ORC3: variants seen among roughly 807,000 people sequenced by gnomAD.
ORC3 encodes the protein origin recognition complex subunit 3.
ORC3 carries 78 observed loss-of-function variants against 100.7 expected under a neutral mutation model. That is an observed-to-expected ratio of 0.77 (90% CI 0.65 to 0.94). The LOEUF is 0.94. ORC3 is among the 40% of genes least tolerant of loss of function. The pLI is 0.00. For missense variants in ORC3, 789 were observed against 823.9 expected, an observed-to-expected ratio of 0.96 and a Z score of 0.52; for synonymous variants, 295 against 289.3, an observed-to-expected ratio of 1.02 and a Z score of -0.20.
At chr6:87,608,377 A>G (rs1031065882) in intron 6 of ORC3, among the ~76,000 whole-genome samples, 5 of 152,200 alleles carry the variant, frequency 3.3e-5, no homozygotes, top group Admixed American at 2.6e-4. Flanking sequence ...GAAAAATAAT[A>G]ACCTAGGTTA....
downstream of ORC3, among the ~76,000 whole-genome samples, chr6:87,671,034 T>C (rs906972589): frequency 4.6e-5 from 7 of 151,768 alleles, no homozygotes; most frequent in Admixed American, 6.6e-5. Context: ...CAAGGTAGAG[T>C]GAGCAGGAGG....
chr6:87,664,267 T>G (rs1188766802), intron 17 of ORC3, among the ~76,000 whole-genome samples: 2 of 152,144 alleles, frequency 1.3e-5, no homozygotes, highest in Non-Finnish European at 2.9e-5. Context: ...ACTGATGGTT[T>G]CTATAGGGCT....
the ORC3 span, among the ~76,000 whole-genome samples, chr6:87,672,890 T>TAGTAC: frequency 5.9e-5 from 9 of 152,308 alleles, no homozygotes; most frequent in Non-Finnish European, 1.2e-4. Flanking sequence ...AAACACATCA[T>TAGTAC]AGTACAGTAC....
intron 10 of ORC3, 25 bp downstream of exon 10, chr6:87,621,512 C>T: frequency 6.6e-7 from 1 of 1,521,154 alleles, no homozygotes; most frequent in Non-Finnish European, 8.8e-7. Flanking sequence ...ACATGTTTAA[C>T]ACATACTATA....
intron 19 of ORC3, among the ~76,000 whole-genome samples, chr6:87,666,034 A>T (rs1770568408): frequency 6.6e-6 from 1 of 152,218 alleles, no homozygotes; most frequent in Non-Finnish European, 1.5e-5. Flanking sequence ...CCAAACCTAA[A>T]ACTTTTGGTA....
At chr6:87,596,447 TG>T (rs1297581634) in intron 2 of ORC3, among the ~76,000 whole-genome samples, 30 of 111,396 alleles carry the variant, frequency 2.7e-4, no homozygotes, top group African/African-American at 1.1e-3. Flanking sequence ...GTTTTTTTGT[TG>T]TTTTTTTTTT....
chr6:87,651,439 T>G (rs1769258727), intron 13 of ORC3: 1 of 351,316 alleles, frequency 2.8e-6, no homozygotes, highest in Non-Finnish European at 5.7e-6. Context: ...TGAGTTAACT[T>G]TCTTCTCATA....
At chr6:87,638,081 A>G (rs547285827) in intron 13 of ORC3, among the ~76,000 whole-genome samples, 1 of 152,304 alleles carries the variant, frequency 6.6e-6, no homozygotes, top group East Asian at 1.9e-4. Context: ...CAAGATCTAA[A>G]ATATGGATTT....
chr6:87,616,945 G>A (rs950582414), intron 9 of ORC3, among the ~76,000 whole-genome samples: 21 of 152,014 alleles, frequency 1.4e-4, no homozygotes, highest in African/African-American at 2.4e-4. Context: ...TTACAGGTGC[G>A]TGCCACCACG....
At chr6:87,658,886 G>A (rs1583166556) in intron 16 of ORC3, among the ~76,000 whole-genome samples, 1 of 151,990 alleles carries the variant, frequency 6.6e-6, no homozygotes, top group East Asian at 1.9e-4. Flanking sequence ...AGATCATTCT[G>A]ATTCATGGAT....
intron 4 of ORC3, among the ~76,000 whole-genome samples, chr6:87,603,999 A>G (rs1778159874): frequency 6.6e-6 from 1 of 152,190 alleles, no homozygotes; most frequent in Non-Finnish European, 1.5e-5. Context: ...AATTACCTAC[A>G]AGGAGGTGTT....
rs746571124 is a variant in ORC3, at chr6:87,590,203, G to A, written c.24+11G>A. 1.2e-6 allele frequency: 2 copies of A among 1,613,538 alleles called. No homozygotes were observed. The highest frequency in any genetic ancestry group is 1.1e-5 in the South Asian group (1 of 91,078). The stretch of plus-strand genomic sequence containing the variant: ...TCCTCGATGTCTAAGGTATGTGGTG[G>A]CCGATGCGCACTGTGGCTCTACCGC... On this transcript the variant is annotated intron_variant, in intron 1 of 19. Transcript: ENST00000392844.
intron 2 of ORC3, 194 bp downstream of exon 2, chr6:87,594,601 A>C (rs951973842): frequency 8.1e-7 from 1 of 1,237,522 alleles, no homozygotes; most frequent in African/African-American, 1.5e-5. Flanking sequence ...GAATCCAATT[A>C]CACCTTCCAA....
At chr6:87,634,487 G>A (rs1322186720) in intron 11 of ORC3, among the ~76,000 whole-genome samples, 1 of 152,226 alleles carries the variant, frequency 6.6e-6, no homozygotes, top group Admixed American at 6.5e-5. Flanking sequence ...GGAGGATAAA[G>A]CACCTTCCCT....
chr6:87,658,746 AC>A (rs1769924733), intron 16 of ORC3, among the ~76,000 whole-genome samples: 1 of 152,190 alleles, frequency 6.6e-6, no homozygotes, highest in Admixed American at 6.5e-5. Context: ...TGAAGAAAGA[AC>A]ATTTAATTCT....
chr6:87,675,896 G>T, the ORC3 span: 1 of 1,613,720 alleles, frequency 6.2e-7, no homozygotes, highest in South Asian at 1.1e-5. Flanking sequence ...CGCATTATTT[G>T]ATCATGCGTA....
chr6:87,608,241 C>T (rs1202813793), intron 6 of ORC3, among the ~76,000 whole-genome samples: 1 of 152,130 alleles, frequency 6.6e-6, no homozygotes, highest in African/African-American at 2.4e-5. Flanking sequence ...GAAGAATAAT[C>T]ATGTATTTTC....
At chr6:87,673,766 G>A in the ORC3 span, among the ~76,000 whole-genome samples, 2 of 151,814 alleles carry the variant, frequency 1.3e-5, no homozygotes, top group South Asian at 2.1e-4. Context: ...ACTTGAACCC[G>A]GGAGGCGGAG....
intron 13 of ORC3, among the ~76,000 whole-genome samples, chr6:87,640,925 T>C (rs1432918452): frequency 1.3e-5 from 2 of 152,026 alleles, no homozygotes; most frequent in Non-Finnish European, 2.9e-5. Context: ...CTGACCAACA[T>C]GGTGAAACCC....
Sources: gnomAD v4.1 joint callset for allele counts (sites outside exome capture counted in the v4.1 genomes callset) on GRCh38, gnomAD v4.1.1 for gene constraint, MANE v1.5 for transcripts, NCBI Gene and HGNC (gene_info 2026-07-23, HGNC 2026-07-21) for gene names.